The following SIPA1L1 variants were observed in gnomAD, a reference collection of about 807,000 sequenced individuals.
The protein encoded by SIPA1L1 is signal induced proliferation associated 1 like 1.
A neutral mutation model predicts 162.7 loss-of-function variants in SIPA1L1; 26 were observed. That is an observed-to-expected ratio of 0.16 (90% CI 0.12 to 0.22). SIPA1L1 has a LOEUF of 0.22. SIPA1L1 is among the 10% of genes least tolerant of loss of function. The probability of loss-of-function intolerance (pLI) is 1.00; values close to 1 mark genes in which losing one functional copy is unlikely to be tolerated. For synonymous variants in SIPA1L1, 829 were observed against 837.4 expected, an observed-to-expected ratio of 0.99 and a Z score of 0.17; for missense variants, 1,874 against 2,241.0, an observed-to-expected ratio of 0.84 and a Z score of 3.31.
intron 3 of SIPA1L1, among the ~76,000 whole-genome samples, chr14:71,522,659 A>G (rs548452425): frequency 1.0e-4 from 15 of 150,478 alleles, no homozygotes; most frequent in Admixed American, 1.3e-4. Context: ...TTTTAGGTCT[A>G]TTCACTCTAT....
chr14:71,727,498 T>G (rs2084353470), intron 19 of SIPA1L1, among the ~76,000 whole-genome samples: 1 of 152,006 alleles, frequency 6.6e-6, no homozygotes, highest in African/African-American at 2.4e-5. Context: ...ACAGTAGAGT[T>G]TCTCTTATGG....
At chr14:71,353,918 T>C (rs1192677943) in intron 2 of SIPA1L1, among the ~76,000 whole-genome samples, 1 of 152,074 alleles carries the variant, frequency 6.6e-6, no homozygotes, top group Non-Finnish European at 1.5e-5. Context: ...AGATGTAATC[T>C]TAATTTTTTT....
chr14:71,333,454 C>T (rs2034771714), intron 2 of SIPA1L1, among the ~76,000 whole-genome samples: 1 of 152,168 alleles, frequency 6.6e-6, no homozygotes, highest in Admixed American at 6.5e-5. Context: ...GGAAATTCAA[C>T]ATAGTATTGA....
chr14:71,439,076 A>G (rs2044634283), intron 2 of SIPA1L1, among the ~76,000 whole-genome samples: 2 of 152,108 alleles, frequency 1.3e-5, no homozygotes, highest in African/African-American at 4.8e-5. Context: ...TGGTACCCTG[A>G]GGAGGAGTTG....
chr14:71,729,622 C>T (rs1192328844), intron 19 of SIPA1L1, among the ~76,000 whole-genome samples: 1 of 152,176 alleles, frequency 6.6e-6, no homozygotes, highest in East Asian at 1.9e-4. Flanking sequence ...TGCCATTGTG[C>T]TCAGTCCAGC....
At chr14:71,339,523 C>T (rs2035435523) in intron 2 of SIPA1L1, among the ~76,000 whole-genome samples, 1 of 151,896 alleles carries the variant, frequency 6.6e-6, no homozygotes, top group South Asian at 2.1e-4. Flanking sequence ...CCACTTCACC[C>T]GGCTAATTTT....
At chr14:71,478,906 T>C (rs1242759011) in intron 2 of SIPA1L1, among the ~76,000 whole-genome samples, 2 of 152,000 alleles carry the variant, frequency 1.3e-5, no homozygotes, top group African/African-American at 2.4e-5. Flanking sequence ...TTGTCCCCGC[T>C]GTCCACCACC....
At chr14:71,705,710 G>A (rs2082388697) in intron 16 of SIPA1L1, among the ~76,000 whole-genome samples, 1 of 151,876 alleles carries the variant, frequency 6.6e-6, no homozygotes, top group Non-Finnish European at 1.5e-5. Context: ...GGCTCCAGCA[G>A]GACTGATGCT....
At chr14:71,369,754 GT>G (rs2038699752) in intron 2 of SIPA1L1, among the ~76,000 whole-genome samples, 1 of 141,408 alleles carries the variant, frequency 7.1e-6, no homozygotes, top group Non-Finnish European at 1.5e-5. Flanking sequence ...ACCTTGGGCA[GT>G]ATGGCCATTT....
chr14:71,651,483 A>G (rs2042612215), intron 8 of SIPA1L1, among the ~76,000 whole-genome samples: 1 of 152,206 alleles, frequency 6.6e-6, no homozygotes, highest in Non-Finnish European at 1.5e-5. Context: ...AGACTATTAA[A>G]ACCCATAAAT....
chr14:71,735,457 G>A (rs1203157167), intron 22 of SIPA1L1, 66 bp downstream of exon 22: 2 of 1,148,922 alleles, frequency 1.7e-6, no homozygotes, highest in Non-Finnish European at 1.3e-6. Context: ...TGCATCTGTG[G>A]GGAGAAGAGA....
In SIPA1L1 at chr14:71,589,110, G is replaced by T; in HGVS notation, c.1238G>T (p.Ser413Ile). 1 of 1,614,122 alleles carries T rather than the reference G, an allele frequency of 6.2e-7. No homozygotes were observed. The highest frequency in any genetic ancestry group is 8.5e-7 in the Non-Finnish European group (1 of 1,179,980). ...GATAAAAGCAATGAGCTTGTAATGA[G>T]CTGTCCATATTTTCGGAATGAGATA... ...GDDKSNELVM[S>I]CPYFRNEIGG... The change falls in exon 5 of 24, where the codon AGC becomes ATC. Residue 413 changes from serine (S) to isoleucine (I), a missense_variant. Physicochemically the swap from Ser to Ile is moderately radical, Grantham distance 142 (BLOSUM62 -2). Around this residue, in one of 5 missense-constraint regions of SIPA1L1, gnomAD observed 685 missense variants for 828.0 expected, o/e 0.83. Transcript: ENST00000381232.
chr14:71,689,761 A>G (rs2081119668), intron 13 of SIPA1L1, among the ~76,000 whole-genome samples: 1 of 151,970 alleles, frequency 6.6e-6, no homozygotes, highest in Admixed American at 6.6e-5. Flanking sequence ...TCCCCTTGAG[A>G]CCCCTGCACT....
chr14:71,737,948 G>A (rs546875859), intron 22 of SIPA1L1, among the ~76,000 whole-genome samples: 2 of 152,226 alleles, frequency 1.3e-5, no homozygotes, highest in South Asian at 4.2e-4. Context: ...CTCTTGTGCT[G>A]CCAAAGAGAC....
intron 7 of SIPA1L1, among the ~76,000 whole-genome samples, chr14:71,646,018 A>G (rs1417300760): frequency 6.6e-6 from 1 of 152,162 alleles, no homozygotes; most frequent in Admixed American, 6.5e-5. Context: ...TGGCCATGAT[A>G]CCAGGGAAGA....
intron 2 of SIPA1L1, among the ~76,000 whole-genome samples, chr14:71,429,131 A>G (rs2043798495): frequency 6.6e-6 from 1 of 152,044 alleles, no homozygotes; most frequent in African/African-American, 2.4e-5. Flanking sequence ...TTTTTATTTC[A>G]CCGTATTATT....
chr14:71,418,963 A>G (rs753442243), intron 2 of SIPA1L1, among the ~76,000 whole-genome samples: 11 of 152,112 alleles, frequency 7.2e-5, no homozygotes, highest in Non-Finnish European at 1.3e-4. Context: ...GGCCATTACT[A>G]CTCACATCTG....
chr14:71,547,779 G>C (rs940901975), intron 4 of SIPA1L1, among the ~76,000 whole-genome samples: 17 of 152,134 alleles, frequency 1.1e-4, no homozygotes, highest in African/African-American at 3.9e-4. Flanking sequence ...CTCGTGAGCT[G>C]CACTTCAAGA....
chr14:71,738,358 T>C (rs1405690106), intron 23 of SIPA1L1, 33 bp downstream of exon 23: 4 of 1,477,192 alleles, frequency 2.7e-6, no homozygotes, highest in Non-Finnish European at 2.8e-6. Flanking sequence ...AATTGTCCAG[T>C]CTGTACAAAC....
Sources: allele counts gnomAD v4.1 joint callset (sites outside exome capture counted in the v4.1 genomes callset), GRCh38; gene constraint gnomAD v4.1.1; regional missense constraint gnomAD v4.1.1; transcripts MANE v1.5; gene names NCBI Gene and HGNC (gene_info 2026-07-23, HGNC 2026-07-21).